The following MACROH2A1 variants were observed in gnomAD, a reference collection of about 807,000 sequenced individuals.
MACROH2A1 encodes the protein core histone macro-H2A.1.
Under a neutral mutation model 31.6 loss-of-function variants are expected in MACROH2A1, and 2 were observed. The observed-to-expected ratio is 0.06, with a 90% CI of 0.03 to 0.20. MACROH2A1 has a LOEUF of 0.20. Among genes scored for constraint, MACROH2A1 ranks in the 10% least tolerant of loss-of-function variants. MACROH2A1 has a pLI of 1.00. For missense variants in MACROH2A1, 230 were observed against 474.0 expected, an observed-to-expected ratio of 0.49 and a Z score of 4.78; for synonymous variants, 169 against 189.6, an observed-to-expected ratio of 0.89 and a Z score of 0.89.
At position 135,369,827 on chromosome 5, in the gene MACROH2A1, A is replaced by G. The variant is rs1763961193; in HGVS notation, c.279+209T>C. On this transcript the variant is annotated intron_variant, in intron 3 of 8. Coordinates refer to ENST00000511689, the MANE Select transcript of MACROH2A1 (RefSeq NM_138610.3). This position sits in a 1 kb window ranked among gnomAD's most constrained non-coding sequence, Gnocchi z 4.3. Reference sequence around the variant, plus strand: ...TAGATCATCTCTCTCCTTTCGGGAGAGCCAAATACCTTGTATTATCCTGCT... The same window carrying G: ...TAGATCATCTCTCTCCTTTCGGGAGGGCCAAATACCTTGTATTATCCTGCT... Among the ~76,000 whole-genome samples the G allele has an allele frequency of 6.6e-6, 1 of 152,092 alleles. No individual in the cohort carries two copies. Among genetic ancestry groups the G allele is most frequent in the Non-Finnish European group, 1.5e-5 (1 of 68,034 alleles).
chr5:135,360,449 C>T (rs1190718077), intron 5 of MACROH2A1, 48 bp downstream of exon 5: 3 of 1,233,740 alleles, frequency 2.4e-6, no homozygotes, highest in African/African-American at 1.5e-5. Context: ...CCTGTGCCCA[C>T]CTGTCCCTTG....
chr5:135,354,814 T>C (rs1761977674), intron 5 of MACROH2A1: 2 of 340,522 alleles, frequency 5.9e-6, no homozygotes, highest in Non-Finnish European at 1.2e-5. Flanking sequence ...TCCAAGCAAA[T>C]GCTATTTACA....
At chr5:135,337,749 A>T (rs994052886) in intron 8 of MACROH2A1, among the ~76,000 whole-genome samples, 17 of 152,230 alleles carry the variant, frequency 1.1e-4, no homozygotes, top group Admixed American at 2.6e-4. Context: ...GAGAGAGGTC[A>T]GTATCAAATG....
intron 6 of MACROH2A1, chr5:135,351,639 T>C (rs1169219496): frequency 7.2e-6 from 1 of 139,584 alleles, no homozygotes; most frequent in Non-Finnish European, 1.5e-5. Flanking sequence ...CATAGCTCAC[T>C]GCAGCTTCGA....
chr5:135,368,687 G>A (rs191059870), intron 4 of MACROH2A1, among the ~76,000 whole-genome samples: 1 of 152,224 alleles, frequency 6.6e-6, no homozygotes, highest in Non-Finnish European at 1.5e-5. Flanking sequence ...CAAAGAAAAT[G>A]TATCCCAGTT....
intron 2 of MACROH2A1, among the ~76,000 whole-genome samples, chr5:135,377,554 G>C (rs1054140007): frequency 2.0e-5 from 3 of 152,190 alleles, no homozygotes; most frequent in Non-Finnish European, 4.4e-5. Flanking sequence ...CACTGTGTTG[G>C]GGGAGGAGGC....
chr5:135,385,644 C>A (rs551064186), intron 2 of MACROH2A1, among the ~76,000 whole-genome samples: 4 of 152,050 alleles, frequency 2.6e-5, no homozygotes, highest in Non-Finnish European at 4.4e-5. Flanking sequence ...ACCCAGCAGG[C>A]GCATCAAGAC....
chr5:135,378,572 C>T (rs1409301475), intron 2 of MACROH2A1, among the ~76,000 whole-genome samples: 4 of 152,168 alleles, frequency 2.6e-5, no homozygotes, highest in Non-Finnish European at 5.9e-5. Context: ...CTGAGGTGTA[C>T]GGTGGCTGCT....
At chr5:135,388,062 AAAAC>A (rs1561665930) in intron 2 of MACROH2A1, among the ~76,000 whole-genome samples, 1 of 152,070 alleles carries the variant, frequency 6.6e-6, no homozygotes, top group African/African-American at 2.4e-5. Context: ...AAAAAAAAAA[AAAAC>A]AGAGGAAGGG....
At chr5:135,337,348 C>G (rs1274973633) in intron 8 of MACROH2A1, among the ~76,000 whole-genome samples, 1 of 144,802 alleles carries the variant, frequency 6.9e-6, no homozygotes, top group Non-Finnish European at 1.5e-5. Context: ...GATGCAGACA[C>G]AGTGTAGCCT....
chr5:135,394,683 A>T (rs1767720482), intron 1 of MACROH2A1, among the ~76,000 whole-genome samples: 2 of 152,164 alleles, frequency 1.3e-5, no homozygotes, highest in South Asian at 4.1e-4. Flanking sequence ...TCCCATTTAC[A>T]TATAAGTTCT....
chr5:135,336,500 C>T (rs1758692245), intron 8 of MACROH2A1, among the ~76,000 whole-genome samples: 1 of 152,234 alleles, frequency 6.6e-6, no homozygotes, highest in African/African-American at 2.4e-5. Flanking sequence ...CCTTCACACA[C>T]AGGCGGCAGC....
chr5:135,360,087 C>T (rs1762637142), intron 5 of MACROH2A1: 1 of 267,822 alleles, frequency 3.7e-6, no homozygotes, highest in Non-Finnish European at 7.1e-6. Context: ...TGAGGCTCTA[C>T]CGTTAGTGCC....
At chr5:135,365,992 T>A (rs1407581198) in intron 4 of MACROH2A1, among the ~76,000 whole-genome samples, 1 of 152,238 alleles carries the variant, frequency 6.6e-6, no homozygotes, top group East Asian at 1.9e-4. Flanking sequence ...AACTGGATCA[T>A]GGTGGATGGT....
rs779365068 is a variant in MACROH2A1, at chr5:135,388,253, C to T, written c.172+669G>A. Among the ~76,000 whole-genome samples, 13 of 151,778 alleles carry T rather than the reference C, an allele frequency of 8.6e-5. 1 individual carries two copies. The highest frequency in any genetic ancestry group is 2.7e-4 in the African/African-American group (11 of 41,286). ...TTGCTGAAGCCACTGGGTGAAATAC[C>T]GTGGTACAGGATGTGCAAAAATCCA... is the stretch of plus-strand genomic sequence containing the variant. On this transcript the variant is annotated intron_variant, in intron 2 of 8. Transcript: ENST00000511689.
chr5:135,392,441 G>A (rs553972865), intron 1 of MACROH2A1, among the ~76,000 whole-genome samples: 31 of 152,290 alleles, frequency 2.0e-4, no homozygotes, highest in Non-Finnish European at 3.5e-4. Context: ...CAGAGATTCT[G>A]TACTTTATCC....
intron 1 of MACROH2A1, among the ~76,000 whole-genome samples, chr5:135,397,819 A>C (rs1768233636): frequency 6.6e-6 from 1 of 152,244 alleles, no homozygotes; most frequent in South Asian, 2.1e-4. Context: ...ATTCCACCTA[A>C]TTTACAACTC....
At chr5:135,382,212 G>A (rs1765747952) in intron 2 of MACROH2A1, among the ~76,000 whole-genome samples, 2 of 152,204 alleles carry the variant, frequency 1.3e-5, no homozygotes, top group South Asian at 4.1e-4. Context: ...GTTTTGTGGT[G>A]TTGTGTGCTT....
intron 5 of MACROH2A1, chr5:135,358,216 A>C: frequency 1.0e-6 from 1 of 985,450 alleles, no homozygotes. Context: ...GTAATGCTTC[A>C]AAATAATGCT....
Sources: allele counts gnomAD v4.1 joint callset (sites outside exome capture counted in the v4.1 genomes callset), GRCh38; gene constraint gnomAD v4.1.1; non-coding constraint Gnocchi (gnomAD v3.1); transcripts MANE v1.5; gene names NCBI Gene and HGNC (gene_info 2026-07-23, HGNC 2026-07-21).